Variants in MKRN1 observed in about 807,000 individuals in gnomAD.
MKRN1 encodes the protein makorin ring finger protein 1.
MKRN1 carries 9 observed loss-of-function variants against 55.5 expected under a neutral mutation model. The ratio of observed to expected loss-of-function variants is 0.16; its 90% CI spans 0.10 to 0.28. The LOEUF (loss-of-function observed/expected upper bound fraction) is 0.28, where lower values mean the gene tolerates loss of function less well. MKRN1 is among the 10% of genes least tolerant of loss of function. MKRN1 has a pLI of 1.00. For missense variants in MKRN1, 488 were observed against 626.7 expected, an observed-to-expected ratio of 0.78 and a Z score of 2.36; for synonymous variants, 253 against 235.9, an observed-to-expected ratio of 1.07 and a Z score of -0.66.
At chr7:140,477,742 G>A (rs1272776266) in intron 1 of MKRN1, among the ~76,000 whole-genome samples, 1 of 152,210 alleles carries the variant, frequency 6.6e-6, no homozygotes, top group Non-Finnish European at 1.5e-5. Flanking sequence ...ACAGGCGTGA[G>A]CCACCACGCC....
intron 5 of MKRN1, 87 bp downstream of exon 5, chr7:140,456,565 G>A: frequency 6.5e-7 from 1 of 1,534,636 alleles, no homozygotes; most frequent in Admixed American, 2.0e-5. Flanking sequence ...GCATTTAAAT[G>A]CGGTCCATCT....
In MKRN1 at chr7:140,474,676, C is replaced by T. The variant is rs141560777; in HGVS notation, c.186-2665G>A. ...TCCAAGTAATAAATTTCACTATGGA[C>T]GTCACAGCACTCAGATAAAGAATTT... On this transcript the variant is annotated intron_variant, in intron 1 of 7. Coordinates refer to ENST00000255977, the MANE Select transcript of MKRN1 (RefSeq NM_013446.4). 1.8e-3 allele frequency among the ~76,000 whole-genome samples: 280 copies of T among 151,898 alleles called. 1 individual carries two copies. The highest frequency in any genetic ancestry group is 6.2e-3 in the African/African-American group (258 of 41,450).
At chr7:140,462,614 AGCTCAGGGGTTAGAGACAAGCCTGG>A (rs1359805694) in intron 2 of MKRN1, among the ~76,000 whole-genome samples, 1 of 151,496 alleles carries the variant, frequency 6.6e-6, no homozygotes, top group East Asian at 2.0e-4. Context: ...GGATTGCCTG[AGCTCAGGGGTTAGAGACAAGCCTGG>A]GCAACATGGC....
At chr7:140,467,980 C>T (rs1277493987) in intron 2 of MKRN1, among the ~76,000 whole-genome samples, 1 of 119,582 alleles carries the variant, frequency 8.4e-6, no homozygotes, top group Non-Finnish European at 1.6e-5. Context: ...CCAGCCTGGG[C>T]AACAAGAGCG....
chr7:140,476,552 T>G (rs1214841699), intron 1 of MKRN1, among the ~76,000 whole-genome samples: 2 of 150,682 alleles, frequency 1.3e-5, no homozygotes, highest in East Asian at 1.9e-4. Flanking sequence ...TTTGTTTTTT[T>G]TTTTTTTAAT....
chr7:140,473,223 A>AAAAAAAC (rs1563096194), intron 1 of MKRN1: 1 of 431,278 alleles, frequency 2.3e-6, no homozygotes, highest in East Asian at 7.0e-5. Context: ...AAAAAAAAAA[A>AAAAAAAC]AAAACATCAT....
Position 140,454,531 on chromosome 7 carries a change from C to G in MKRN1, c.1435G>C (p.Asp479His). Residue 479 changes from aspartate to histidine, a missense_variant, in exon 8 of 8, where the codon GAC becomes CAC. Physicochemically the swap from Asp to His is moderately conservative, Grantham distance 81. Coordinates refer to ENST00000255977, the MANE Select transcript of MKRN1 (RefSeq NM_013446.4). ...LFHDELEDFYDLDL is the reference protein window; with the variant it reads ...LFHDELEDFYHLDL ...ACGCAAGGTTGCTATAGATCCAAGT[C>G]ATAAAAATCTTCCAGCTCATCATGA... 6.2e-7 allele frequency: 1 copy of G among 1,612,092 alleles called. No individual in the cohort carries two copies. Among genetic ancestry groups the G allele is most frequent in the Non-Finnish European group, 8.5e-7 (1 of 1,179,762 alleles).
chr7:140,464,623 TGAACCTG>T (rs1563091577), intron 2 of MKRN1, among the ~76,000 whole-genome samples: 1 of 152,022 alleles, frequency 6.6e-6, no homozygotes, highest in Non-Finnish European at 1.5e-5. Flanking sequence ...AAGAATCGCT[TGAACCTG>T]GGAGGCGGAG....
chr7:140,466,997 G>A (rs1198871395), intron 2 of MKRN1, among the ~76,000 whole-genome samples: 1 of 145,682 alleles, frequency 6.9e-6, no homozygotes, highest in Non-Finnish European at 1.5e-5. Context: ...TTTTTTTTGA[G>A]ACAGAGTTTC....
chr7:140,459,308 G>T (rs6966409), intron 3 of MKRN1, 75 bp from the exon 4 acceptor site: 2 of 1,426,400 alleles, frequency 1.4e-6, no homozygotes, highest in Admixed American at 1.9e-5. Context: ...GAATCTAACC[G>T]CAAAAAATGA....
intron 4 of MKRN1, among the ~76,000 whole-genome samples, chr7:140,457,335 C>T (rs1322014811): frequency 1.3e-5 from 2 of 152,138 alleles, no homozygotes; most frequent in African/African-American, 4.8e-5. Flanking sequence ...CTGATGCACA[C>T]TTAGGTTAGG....
rs563624738 is a variant in MKRN1 at position 140,471,872 on chromosome 7, C to A, written c.314+11G>T. 1.9e-6 allele frequency: 3 copies of A among 1,610,924 alleles called. No individual in the cohort carries two copies. In the South Asian group the frequency reaches 3.3e-5, roughly 18 times the overall value. Reference sequence around the variant, plus strand: ...ACCCACCCCTGAACAAATTTATAAACAAATTCTTACCTGCAGCGGTCTCCA... The same window carrying A: ...ACCCACCCCTGAACAAATTTATAAAAAAATTCTTACCTGCAGCGGTCTCCA... On this transcript the variant is annotated intron_variant, in intron 2 of 7. Transcript: ENST00000255977.
intron 1 of MKRN1, among the ~76,000 whole-genome samples, chr7:140,474,064 AGAAT>A (rs1795041176): frequency 4.1e-5 from 6 of 145,156 alleles, no homozygotes; most frequent in South Asian, 4.5e-4. Flanking sequence ...AAAGAAAGAA[AGAAT>A]AAAAGACTGT....
At chr7:140,468,068 C>CA (rs929839428) in intron 2 of MKRN1, among the ~76,000 whole-genome samples, 11 of 147,488 alleles carry the variant, frequency 7.5e-5, no homozygotes, top group African/African-American at 2.8e-4. Flanking sequence ...TCATTTTTTT[C>CA]ATTCACTCCA....
At chr7:140,464,988 T>C (rs1180252852) in intron 2 of MKRN1, among the ~76,000 whole-genome samples, 1 of 152,132 alleles carries the variant, frequency 6.6e-6, no homozygotes, top group Admixed American at 6.6e-5. Context: ...AGTTTTGCCA[T>C]GTTGCCTAAG....
In MKRN1 at chr7:140,479,477, T is replaced by A; in HGVS notation, c.-133A>T. 1.0e-6 allele frequency: 1 copy of A among 956,652 alleles called. No individual in the cohort carries two copies. The highest frequency in any genetic ancestry group is 1.4e-6 in the Non-Finnish European group (1 of 732,610). 59.3% of individuals were successfully genotyped at this position (956,652 alleles called of 1,614,324 possible). A position where few individuals can be genotyped will look rare whatever the true frequency, so the allele number is the denominator to read the frequency against. ...CTGAGGCACCCGTTCGGTCCCCGCC[T>A]GCTACGCGTCGCGTATCTGAGCGCT... On this transcript the variant is annotated 5_prime_UTR_variant, in exon 1 of 8. Transcript: ENST00000255977.
chr7:140,472,576 G>C (rs1026357835), intron 1 of MKRN1, among the ~76,000 whole-genome samples: 1 of 151,444 alleles, frequency 6.6e-6, no homozygotes, highest in African/African-American at 2.4e-5. Context: ...TTTTAGTAGA[G>C]ACAGGGTTTC....
Position 140,459,028 on chromosome 7 carries a change from G to A in MKRN1, c.750C>T (p.Ala250=). Residue 250 remains alanine, a synonymous_variant, in exon 4 of 8, where the codon GCC becomes GCT. Transcript: ENST00000255977. The part of the protein sequence containing the change: ...GLQVLHPMDA[A]QRSQHIKSCI... ...TTACTTTGATATGCTGCGATCTCTG[G>A]GCAGCATCCATTGGATGCAGGACCT... 6.2e-7 allele frequency: 1 copy of A among 1,613,772 alleles called. No individual in the cohort carries two copies. Among genetic ancestry groups the A allele is most frequent in the South Asian group, 1.1e-5 (1 of 91,066 alleles).
intron 2 of MKRN1, among the ~76,000 whole-genome samples, chr7:140,461,480 A>G (rs1794612657): frequency 6.6e-6 from 1 of 152,068 alleles, no homozygotes; most frequent in Non-Finnish European, 1.5e-5. Context: ...CTAAAAATAA[A>G]AAATTATCCG....
Sources: allele counts gnomAD v4.1 joint callset (sites outside exome capture counted in the v4.1 genomes callset), GRCh38; gene constraint gnomAD v4.1.1; transcripts MANE v1.5; gene names NCBI Gene and HGNC (gene_info 2026-07-23, HGNC 2026-07-21).